LMF1: variants seen among roughly 807,000 people sequenced by gnomAD.
LMF1 encodes the protein transmembrane protein 112.
In LMF1, 68 loss-of-function variants were observed where a neutral mutation model predicts 60.6. That is an observed-to-expected ratio of 1.12 (90% CI 0.92 to 1.37). The LOEUF is 1.37. LMF1 is among the 40% of genes most tolerant of loss of function. The pLI is 0.00. For missense variants in LMF1, 948 were observed against 767.2 expected (o/e 1.24, Z -2.78); for synonymous variants, 418 against 324.7 (o/e 1.29, Z -3.09).
Position 897,709 on chromosome 16 carries a change from TGG to T in LMF1, c.664-4639_664-4638del, listed in dbSNP as rs1168701398. 6.6e-6 allele frequency among the ~76,000 whole-genome samples: 1 copy of T among 152,146 alleles called. No individual in the cohort carries two copies. Among genetic ancestry groups the T allele is most frequent in the Non-Finnish European group, 1.5e-5 (1 of 68,020 alleles). ...TGTCTCAGGGTGAAGGGACCGCTGGTGGGCTCCGTGGGCAGAGGCACTATGGG... is the reference window on the plus strand; with the variant it reads ...TGTCTCAGGGTGAAGGGACCGCTGGTGCTCCGTGGGCAGAGGCACTATGGG... On this transcript the variant is annotated intron_variant, in intron 4 of 10. Transcript: ENST00000262301. This position sits in a 1 kb window ranked among gnomAD's most constrained non-coding sequence, Gnocchi z 4.3.
intron 6 of LMF1, among the ~76,000 whole-genome samples, chr16:876,585 T>A (rs1219825337): frequency 2.0e-5 from 3 of 152,136 alleles, no homozygotes; most frequent in Non-Finnish European, 4.4e-5. Flanking sequence ...CTGCACAGTT[T>A]TTCCGAAAAT....
intron 1 of LMF1, among the ~76,000 whole-genome samples, chr16:963,384 ATGTGTCCCTGTGTG>A (rs2072854258): frequency 6.6e-6 from 1 of 152,030 alleles, no homozygotes; most frequent in South Asian, 2.1e-4. Flanking sequence ...TGACATGCCC[ATGTGTCCCTGTGTG>A]TATGTGTCTG....
At chr16:976,705 C>T (rs1331798149) in intron 1 of LMF1, 1 of 454,036 alleles carries the variant, frequency 2.2e-6, no homozygotes, top group Non-Finnish European at 4.4e-6. Flanking sequence ...GGACCCGCTC[C>T]CAGCCTGGAG....
chr16:932,867 G>A (rs1464966279), intron 3 of LMF1, among the ~76,000 whole-genome samples: 1 of 151,276 alleles, frequency 6.6e-6, no homozygotes, highest in East Asian at 1.9e-4. Context: ...CACCACACAC[G>A]CTTCCTCACG....
At chr16:857,403 T>C (rs114341093) in intron 10 of LMF1, among the ~76,000 whole-genome samples, 5,006 of 149,864 alleles carry the variant, frequency 0.033, 371 homozygotes, top group African/African-American at 0.12. Context: ...GTTGCTACTT[T>C]TATTCCAGCC....
chr16:937,167 C>T (rs1472719165), intron 2 of LMF1, among the ~76,000 whole-genome samples: 1 of 152,132 alleles, frequency 6.6e-6, no homozygotes, highest in Non-Finnish European at 1.5e-5. Context: ...TTCAAGGCTG[C>T]CTGATAAAAG....
chr16:958,783 AG>A (rs1220777727), intron 1 of LMF1, among the ~76,000 whole-genome samples: 1 of 152,174 alleles, frequency 6.6e-6, no homozygotes. Context: ...GCTACTCGCA[AG>A]GCTGAGGCAG....
At chr16:871,415 T>A in intron 6 of LMF1, 74 bp from the exon 7 acceptor site, 19 of 1,188,670 alleles carry the variant, frequency 1.6e-5, no homozygotes, top group Non-Finnish European at 2.0e-5. Context: ...CCTCTCTTCC[T>A]GGAGCAGGGA....
chr16:944,549 T>C (rs1292692959), intron 2 of LMF1, among the ~76,000 whole-genome samples: 1 of 152,192 alleles, frequency 6.6e-6, no homozygotes, highest in African/African-American at 2.4e-5. Flanking sequence ...CCTGTATGTA[T>C]CTCCTTTCCA....
At chr16:958,786 C>T (rs2072760348) in intron 1 of LMF1, among the ~76,000 whole-genome samples, 1 of 152,174 alleles carries the variant, frequency 6.6e-6, no homozygotes, top group Admixed American at 6.5e-5. Flanking sequence ...ACTCGCAAGG[C>T]TGAGGCAGGA....
chr16:888,121 C>A (rs1200255716), intron 5 of LMF1, among the ~76,000 whole-genome samples: 2 of 152,362 alleles, frequency 1.3e-5, no homozygotes, highest in East Asian at 3.9e-4. Context: ...TCGGCCCAAG[C>A]TCACAGACAG....
At chr16:928,831 C>T (rs886117147) in intron 3 of LMF1, among the ~76,000 whole-genome samples, 16 of 152,176 alleles carry the variant, frequency 1.1e-4, no homozygotes, top group African/African-American at 3.4e-4. Context: ...GGTAGACACC[C>T]GTACACACCC....
intron 10 of LMF1, 87 bp downstream of exon 10, chr16:868,857 G>A (rs1382477489): frequency 8.1e-6 from 7 of 865,058 alleles, no homozygotes; most frequent in African/African-American, 1.6e-5. Flanking sequence ...CCGTGAGCAG[G>A]TGGGGGTGCA....
At chr16:877,985 C>G (rs1452349788) in intron 6 of LMF1, among the ~76,000 whole-genome samples, 1 of 152,130 alleles carries the variant, frequency 6.6e-6, no homozygotes, top group East Asian at 1.9e-4. Context: ...CGCGTGGGGT[C>G]TGGCTACACA....
intron 2 of LMF1, among the ~76,000 whole-genome samples, chr16:941,188 A>G (rs1015560115): frequency 6.6e-6 from 1 of 152,076 alleles, no homozygotes; most frequent in Non-Finnish European, 1.5e-5. Context: ...TATTTAAAGC[A>G]TAGCTCTTGA....
At chr16:877,691 G>C (rs954890255) in intron 6 of LMF1, among the ~76,000 whole-genome samples, 2 of 152,160 alleles carry the variant, frequency 1.3e-5, no homozygotes, top group African/African-American at 4.8e-5. Context: ...GGGGTGGCGG[G>C]CCCTCCCTGC....
Position 925,044 on chromosome 16 carries a change from G to A in LMF1, c.514+9200C>T, listed in dbSNP as rs189206588. On this transcript the variant is annotated intron_variant, in intron 3 of 10. Transcript: ENST00000262301. ...TCAGACCCCCGTCCGCAGAGTGCTG[G>A]GTGCGAGTCCCCAAATGCCTGCTGG... Among the ~76,000 whole-genome samples the A allele has an allele frequency of 8.5e-5, 13 of 152,338 alleles. No homozygotes were observed. In the East Asian group the frequency reaches 2.5e-3, roughly 29 times the overall value.
At chr16:930,728 G>A (rs890426473) in intron 3 of LMF1, among the ~76,000 whole-genome samples, 25 of 152,198 alleles carry the variant, frequency 1.6e-4, no homozygotes, top group African/African-American at 5.8e-4. Context: ...AGCATGTCCC[G>A]GGGAGCCCAC....
intron 4 of LMF1, among the ~76,000 whole-genome samples, chr16:896,412 G>A (rs935344773): frequency 2.0e-5 from 3 of 152,224 alleles, no homozygotes; most frequent in African/African-American, 7.2e-5. Flanking sequence ...GGAGGGCGCC[G>A]AACACCCGGG....
Sources: gnomAD v4.1 joint callset for allele counts (sites outside exome capture counted in the v4.1 genomes callset) on GRCh38, gnomAD v4.1.1 for gene constraint, Gnocchi (gnomAD v3.1) non-coding constraint, MANE v1.5 for transcripts, NCBI Gene and HGNC (gene_info 2026-07-23, HGNC 2026-07-21) for gene names.